The following TDRP variants were observed in gnomAD, a reference collection of about 807,000 sequenced individuals.
TDRP encodes the protein testis development-related protein.
TDRP carries 12 observed loss-of-function variants against 10.5 expected under a neutral mutation model. That is an observed-to-expected ratio of 1.15 (90% CI 0.73 to 1.86). The LOEUF (loss-of-function observed/expected upper bound fraction) is 1.86. Ranked by LOEUF, TDRP falls within the 40% of genes most tolerant of loss-of-function variation. TDRP has a pLI of 0.00. For missense variants in TDRP, 353 were observed against 229.2 expected (o/e 1.54, Z -3.49); for synonymous variants, 139 against 95.4 (o/e 1.46, Z -2.67).
intron 1 of TDRP, among the ~76,000 whole-genome samples, chr8:539,529 T>TG (rs1354504776): frequency 6.6e-6 from 1 of 152,230 alleles, no homozygotes; most frequent in Non-Finnish European, 1.5e-5. Flanking sequence ...CTTCATGTAC[T>TG]GGTAAGGGCT....
At chr8:542,873 A>AG (rs1436090680) in intron 1 of TDRP, among the ~76,000 whole-genome samples, 1 of 151,800 alleles carries the variant, frequency 6.6e-6, no homozygotes, top group Admixed American at 6.6e-5. Flanking sequence ...AAAAAAAAAA[A>AG]AAGTATAGAT....
rs543133708 is a variant in TDRP at position 524,686 on chromosome 8, C to A, written c.108+19964G>T. 2.1e-5 allele frequency among the ~76,000 whole-genome samples: 3 copies of A among 144,154 alleles called. No individual in the cohort carries two copies. The South Asian group carries it at 6.2e-4, about 30-fold the overall frequency. The allele number at this position is 144,154 out of a possible 152,430, so 94.6% of individuals were successfully genotyped here. On this transcript the variant is annotated intron_variant, in intron 1 of 2. Coordinates refer to ENST00000324079, the MANE Select transcript of TDRP (RefSeq NM_001384899.1). Reference sequence around the variant, plus strand: ...ACTGACATATGAAGAATGCATCAGTCTCAAAAGTAGAATTGATGAGGCAGA... The same window carrying A: ...ACTGACATATGAAGAATGCATCAGTATCAAAAGTAGAATTGATGAGGCAGA...
At chr8:497,093 G>A (rs754912553) in intron 1 of TDRP, among the ~76,000 whole-genome samples, 4 of 152,176 alleles carry the variant, frequency 2.6e-5, no homozygotes, top group South Asian at 2.1e-4. Context: ...AGAGGAGTGC[G>A]GTACTGCTAT....
chr8:499,620 A>C (rs761540959), intron 1 of TDRP, among the ~76,000 whole-genome samples: 139 of 152,356 alleles, frequency 9.1e-4, no homozygotes, highest in Non-Finnish European at 2.1e-4. Context: ...AACAGACATG[A>C]TCGAAGTGTG....
intron 1 of TDRP, among the ~76,000 whole-genome samples, chr8:516,391 T>C (rs898712788): frequency 6.6e-6 from 1 of 152,178 alleles, no homozygotes; most frequent in Admixed American, 6.5e-5. Context: ...TTGTCCAAAA[T>C]ATACAAGGAA....
chr8:498,010 A>G (rs752616472), intron 1 of TDRP, among the ~76,000 whole-genome samples: 2 of 152,136 alleles, frequency 1.3e-5, no homozygotes, highest in Non-Finnish European at 2.9e-5. Context: ...AGGTATGGAA[A>G]TGGCTGGACA....
chr8:520,513 T>G (rs1234136548), intron 1 of TDRP, among the ~76,000 whole-genome samples: 1 of 152,156 alleles, frequency 6.6e-6, no homozygotes, highest in African/African-American at 2.4e-5. Context: ...TTTTGATAAA[T>G]CTCTATACAG....
At position 521,375 on chromosome 8, in the gene TDRP, C is replaced by T. The variant is rs139593314; in HGVS notation, c.108+23275G>A. Among the ~76,000 whole-genome samples the T allele has an allele frequency of 1.8e-4, 27 of 151,240 alleles. No homozygotes were observed. The East Asian group carries it at 4.9e-3, about 27-fold the overall frequency. Reference sequence around the variant, plus strand: ...GGGCTTACAGTGAGCCGAGCTCACACCACTGCACTCCAGCCTGGGCAAGAG... The same window carrying T: ...GGGCTTACAGTGAGCCGAGCTCACATCACTGCACTCCAGCCTGGGCAAGAG... On this transcript the variant is annotated intron_variant, in intron 1 of 2. Transcript: ENST00000324079.
rs191073565 is a variant in TDRP, at chr8:491,566, G to A, written c.*833C>T. The A allele has an allele frequency of 7.4e-6, 11 of 1,477,692 alleles. No individual in the cohort carries two copies. In the Admixed American group the frequency reaches 7.5e-5, roughly 10 times the overall value. 91.5% of individuals were successfully genotyped at this position (1,477,692 alleles called of 1,614,324 possible). ...AAACATATGAGCCTAATAAAAAAGAGGCACTTCAGTATTTTATGCACAGTC... is the reference window on the plus strand; with the variant it reads ...AAACATATGAGCCTAATAAAAAAGAAGCACTTCAGTATTTTATGCACAGTC... On this transcript the variant is annotated 3_prime_UTR_variant, in exon 3 of 3. Transcript: ENST00000324079.
chr8:495,657 C>T (rs548488178), intron 1 of TDRP, among the ~76,000 whole-genome samples: 1 of 152,256 alleles, frequency 6.6e-6, no homozygotes, highest in African/African-American at 2.4e-5. Flanking sequence ...CGGGGTAGAG[C>T]CAGCTTTAGA....
chr8:500,982 G>A (rs373677407), intron 1 of TDRP, among the ~76,000 whole-genome samples: 16 of 152,072 alleles, frequency 1.1e-4, no homozygotes, highest in East Asian at 7.8e-4. Context: ...CAAGGTGGGT[G>A]GATCACAAGG....
intron 1 of TDRP, among the ~76,000 whole-genome samples, chr8:500,562 T>G (rs2116734240): frequency 1.3e-5 from 2 of 152,354 alleles, no homozygotes; most frequent in South Asian, 4.1e-4. Flanking sequence ...ATACTTAATC[T>G]CACAATTTGT....
chr8:530,526 T>G (rs1460136686), intron 1 of TDRP, among the ~76,000 whole-genome samples: 1 of 152,194 alleles, frequency 6.6e-6, no homozygotes, highest in Non-Finnish European at 1.5e-5. Context: ...TCAGCTCAGC[T>G]AGAGATTCTG....
intron 1 of TDRP, among the ~76,000 whole-genome samples, chr8:496,841 G>C (rs1272939856): frequency 6.6e-6 from 1 of 152,178 alleles, no homozygotes; most frequent in Admixed American, 6.5e-5. Context: ...CATGAGATCT[G>C]ATCATTTAAA....
intron 1 of TDRP, among the ~76,000 whole-genome samples, chr8:542,959 T>C (rs1167890274): frequency 2.0e-5 from 3 of 150,986 alleles, no homozygotes; most frequent in Non-Finnish European, 2.9e-5. Context: ...AGCTGGAGGA[T>C]ACGAGGAAGA....
intron 1 of TDRP, among the ~76,000 whole-genome samples, chr8:504,341 G>C (rs570206577): frequency 1.3e-5 from 2 of 152,288 alleles, no homozygotes; most frequent in East Asian, 3.9e-4. Flanking sequence ...GTTTTGGGTA[G>C]TGTTTTCTTT....
intron 1 of TDRP, among the ~76,000 whole-genome samples, chr8:535,505 C>T: frequency 6.6e-6 from 1 of 152,162 alleles, no homozygotes; most frequent in East Asian, 1.9e-4. Context: ...GGTCCGTGGA[C>T]TGCATCTTGA....
chr8:500,664 C>T (rs529143321), intron 1 of TDRP, among the ~76,000 whole-genome samples: 4 of 152,328 alleles, frequency 2.6e-5, no homozygotes, highest in African/African-American at 9.6e-5. Context: ...GCATTAAGTT[C>T]TGAATTATCC....
At chr8:538,319 G>A (rs1802398188) in intron 1 of TDRP, among the ~76,000 whole-genome samples, 2 of 152,228 alleles carry the variant, frequency 1.3e-5, no homozygotes, top group South Asian at 4.1e-4. Context: ...TCGCACTGCA[G>A]GGACTTCTAC....
Sources: allele counts gnomAD v4.1 joint callset (sites outside exome capture counted in the v4.1 genomes callset), GRCh38; gene constraint gnomAD v4.1.1; transcripts MANE v1.5; gene names NCBI Gene and HGNC (gene_info 2026-07-23, HGNC 2026-07-21).